UNC13A: variants seen among roughly 807,000 people sequenced by gnomAD.
UNC13A encodes the protein unc-13 homolog A, also known as protein unc-13 homolog A.
A neutral mutation model predicts 219.7 loss-of-function variants in UNC13A; 61 were observed. The ratio of observed to expected loss-of-function variants is 0.28; its 90% confidence interval spans 0.23 to 0.34. The LOEUF (loss-of-function observed/expected upper bound fraction) is 0.34, where lower values mean the gene tolerates loss of function less well. Ranked by LOEUF, UNC13A falls within the 10% of genes least tolerant of loss-of-function variation. The pLI, the probability that UNC13A is intolerant of heterozygous loss-of-function variation, is 1.00. For missense variants in UNC13A, 1,476 were observed against 2,270.3 expected, an observed-to-expected ratio of 0.65 and a Z score of 7.11; for synonymous variants, 920 against 884.6, an observed-to-expected ratio of 1.04 and a Z score of -0.71.
chr19:17,676,290 G>A (rs1425408325), intron 1 of UNC13A: 1 of 617,200 alleles, frequency 1.6e-6, no homozygotes, highest in Non-Finnish European at 3.0e-6. Flanking sequence ...GGGAGAGAGA[G>A]AAGCCATCAG....
intron 1 of UNC13A, among the ~76,000 whole-genome samples, chr19:17,685,313 C>T (rs1172078860): frequency 6.6e-6 from 1 of 152,060 alleles, no homozygotes. Context: ...TCCTCAGCCT[C>T]CCGAGTAGCT....
chr19:17,666,303 C>T (rs1401454295), intron 7 of UNC13A, among the ~76,000 whole-genome samples: 6 of 151,944 alleles, frequency 3.9e-5, no homozygotes, highest in African/African-American at 1.5e-4. Flanking sequence ...GATTCTGCCT[C>T]CTGGGTTCAA....
chr19:17,669,940 TTTC>T (rs2079749459), intron 4 of UNC13A, among the ~76,000 whole-genome samples: 1 of 118,964 alleles, frequency 8.4e-6, no homozygotes, highest in Non-Finnish European at 1.6e-5. Context: ...TCTTTTTTCT[TTTC>T]TTTTCTTTTT....
At chr19:17,666,138 TTC>T (rs2079640565) in intron 7 of UNC13A, among the ~76,000 whole-genome samples, 1 of 138,832 alleles carries the variant, frequency 7.2e-6, no homozygotes, top group African/African-American at 2.7e-5. Context: ...TTCTTTTTCT[TTC>T]TTTCTTTCCT....
intron 1 of UNC13A, among the ~76,000 whole-genome samples, chr19:17,682,447 C>T (rs1218486270): frequency 6.6e-6 from 1 of 152,156 alleles, no homozygotes; most frequent in Admixed American, 6.5e-5. Context: ...AAGTGGTGGA[C>T]TTAGCAATTC....
In UNC13A at chr19:17,601,881, G is replaced by C; in HGVS notation, c.*4173C>G. ...AACTTTGGTCCTCAACGATTCTTAG[G>C]AAAGGATTCTGGGGAGCAGACGGGG... is the stretch of plus-strand genomic sequence containing the variant. On this transcript the variant is annotated 3_prime_UTR_variant, in exon 44 of 44. Coordinates refer to ENST00000519716, the MANE Select transcript of UNC13A (RefSeq NM_001080421.3). 1 of 152,654 alleles carries C rather than the reference G, an allele frequency of 6.6e-6. No homozygotes were observed. The highest frequency in any genetic ancestry group is 1.9e-4 in the East Asian group (1 of 5,200). The allele number at this position is 152,654 out of a possible 1,614,324, so 9.5% of individuals were successfully genotyped here.
chr19:17,630,313 G>A (rs998657680), intron 29 of UNC13A, 25 bp from the exon 30 acceptor site: 1 of 1,557,194 alleles, frequency 6.4e-7, no homozygotes, highest in Non-Finnish European at 8.7e-7. Flanking sequence ...AGGCCAAGAG[G>A]AAGGAGGAGA....
intron 9 of UNC13A, among the ~76,000 whole-genome samples, chr19:17,657,681 T>C (rs1342122625): frequency 6.6e-6 from 1 of 151,900 alleles, no homozygotes; most frequent in Non-Finnish European, 1.5e-5. Flanking sequence ...GCCCAGGCAA[T>C]GGAGCAAGAC....
At chr19:17,672,828 AAGAG>A (rs1204308196) in intron 3 of UNC13A, among the ~76,000 whole-genome samples, 1 of 152,116 alleles carries the variant, frequency 6.6e-6, no homozygotes, top group South Asian at 2.1e-4. Context: ...GTAAGTGAGG[AAGAG>A]GCTCAAATAC....
chr19:17,656,278 C>T lies in UNC13A; in HGVS notation c.888G>A (p.Arg296=). The T allele has an allele frequency of 6.4e-7, 1 of 1,552,110 alleles. No individual in the cohort carries two copies. Among genetic ancestry groups the T allele is most frequent in the Non-Finnish European group, 8.7e-7 (1 of 1,147,340 alleles). The change falls in exon 10 of 44, where the codon CGG becomes CGA. Residue 296 remains arginine, a synonymous_variant. Transcript: ENST00000519716. ...GGCAGGAGTGGTAGGAGTCCCGGTC[C>T]CGCTCATCCTCCATGTCGGAGCCCT... is the stretch of plus-strand genomic sequence containing the variant. ...SLQGSDMEDE[R]DRDSYHSCHS... is the part of the protein sequence containing the mutation.
At position 17,656,430 on chromosome 19, in the gene UNC13A, G is replaced by A. The variant is rs945732752; in HGVS notation, c.768-32C>T. ...GGATGGAACAGGGTTCAGGGACTGG[G>A]GTACCGAGTCACTGCCCACCTGAGC... On this transcript the variant is annotated intron_variant, in intron 9 of 43. Transcript: ENST00000519716. 2.0e-6 allele frequency: 3 copies of A among 1,471,974 alleles called. No individual in the cohort carries two copies. In the South Asian group the frequency reaches 4.1e-5, roughly 20 times the overall value. 91.2% of individuals were successfully genotyped at this position (1,471,974 alleles called of 1,614,324 possible).
At chr19:17,623,568 G>T (rs764973896) in intron 35 of UNC13A, 21 bp from the exon 36 acceptor site, 2 of 1,308,416 alleles carry the variant, frequency 1.5e-6, no homozygotes, top group African/African-American at 1.5e-5. Flanking sequence ...TGATGGGGGC[G>T]GGGCGGTGGG....
At chr19:17,659,413 A>C (rs1428831523) in intron 8 of UNC13A, among the ~76,000 whole-genome samples, 1 of 152,072 alleles carries the variant, frequency 6.6e-6, no homozygotes, top group Non-Finnish European at 1.5e-5. Context: ...TCTGCACTCC[A>C]GGGGCTGGGT....
In UNC13A at chr19:17,631,175, C is replaced by T. The variant is rs868768067; in HGVS notation, c.3429-425G>A. 4.7e-4 allele frequency among the ~76,000 whole-genome samples: 12 copies of T among 25,534 alleles called. 1 individual carries two copies. The highest frequency in any genetic ancestry group is 6.7e-4 in the African/African-American group (4 of 6,010). 16.8% of individuals were successfully genotyped at this position (25,534 alleles called of 152,430 possible). On this transcript the variant is annotated intron_variant, in intron 28 of 43. Coordinates refer to ENST00000519716, the MANE Select transcript of UNC13A (RefSeq NM_001080421.3). ...GTTTTCTCCCTCCCTCCCTCCCTCC[C>T]TCCTTTCCTTCCTTCCCTCCCTCCC... is the stretch of plus-strand genomic sequence containing the variant.
intron 4 of UNC13A, among the ~76,000 whole-genome samples, chr19:17,669,958 T>G (rs1434737960): frequency 6.9e-6 from 1 of 145,868 alleles, no homozygotes; most frequent in Non-Finnish European, 1.5e-5. Context: ...CTTTTTTTTT[T>G]TTTTTTGAGA....
At chr19:17,638,063 C>T (rs1351102989) in intron 25 of UNC13A, among the ~76,000 whole-genome samples, 1 of 75,706 alleles carries the variant, frequency 1.3e-5, no homozygotes, top group Non-Finnish European at 2.8e-5. Context: ...TGTGTTATAT[C>T]CTATCAGAAC....
chr19:17,623,512 AGACAGACG>A (rs2076751262), intron 36 of UNC13A, 22 bp downstream of exon 36: 1 of 1,526,036 alleles, frequency 6.6e-7, no homozygotes, highest in Admixed American at 1.9e-5. Flanking sequence ...GAGGACGGAC[AGACAGACG>A]GACAGACGGG....
At chr19:17,679,428 T>TAAA (rs2079964274) in intron 1 of UNC13A, among the ~76,000 whole-genome samples, 1 of 147,458 alleles carries the variant, frequency 6.8e-6, no homozygotes, top group African/African-American at 2.5e-5. Flanking sequence ...ATAATAATAA[T>TAAA]AAAAGAGAGA....
chr19:17,680,892 T>TC (rs1568275929), intron 1 of UNC13A, among the ~76,000 whole-genome samples: 3 of 82,600 alleles, frequency 3.6e-5, no homozygotes, highest in African/African-American at 2.1e-4. Context: ...TTCTTTTCTT[T>TC]TTTTTTTTTT....
Sources: gnomAD v4.1 joint callset for allele counts (sites outside exome capture counted in the v4.1 genomes callset) on GRCh38, gnomAD v4.1.1 for gene constraint, MANE v1.5 for transcripts, NCBI Gene and HGNC (gene_info 2026-07-23, HGNC 2026-07-21) for gene names.